Variants in POP1 observed in about 807,000 individuals in gnomAD.
POP1 encodes the protein ribonucleases P/MRP protein subunit POP1.
In POP1, 75 loss-of-function variants were observed where a neutral mutation model predicts 102.2. The ratio of observed to expected loss-of-function variants is 0.73; its 90% CI spans 0.61 to 0.89. The LOEUF is 0.89. Among genes scored for constraint, POP1 ranks in the 40% least tolerant of loss-of-function variants. The pLI, the probability that POP1 is intolerant of heterozygous loss-of-function variation, is 0.00. For missense variants in POP1, 1,116 were observed against 1,267.4 expected (o/e 0.88, Z 1.81); for synonymous variants, 436 against 464.1 (o/e 0.94, Z 0.78).
chr8:98,118,842 G>A (rs545555180), intron 1 of POP1, among the ~76,000 whole-genome samples: 1 of 151,916 alleles, frequency 6.6e-6, no homozygotes, highest in African/African-American at 2.4e-5. Context: ...GTGGATTGGA[G>A]AGGGAAGGGG....
intron 12 of POP1, among the ~76,000 whole-genome samples, chr8:98,147,733 A>G (rs1809393507): frequency 6.6e-6 from 1 of 152,170 alleles, no homozygotes; most frequent in South Asian, 2.1e-4. Context: ...TATTCCTGGA[A>G]GGTGAAATTG....
At position 98,127,832 on chromosome 8, in the gene POP1, C is replaced by T. The variant is rs558162215; in HGVS notation, c.310+70C>T. ...TCGTGTCTAGTGCAGCAACAAACTG[C>T]CCTCCTTGTGGTCCTGGCTCTGCCT... On this transcript the variant is annotated intron_variant, in intron 3 of 15. Coordinates refer to ENST00000401707, the MANE Select transcript of POP1 (RefSeq NM_001145860.2). 9.2e-6 allele frequency: 14 copies of T among 1,523,996 alleles called. No individual in the cohort carries two copies. The African/African-American group carries it at 1.1e-4, about 12-fold the overall frequency. 94.4% of individuals were successfully genotyped at this position (1,523,996 alleles called of 1,614,324 possible). A position where few individuals can be genotyped will look rare whatever the true frequency, so the allele number is the denominator to read the frequency against.
intron 11 of POP1, among the ~76,000 whole-genome samples, chr8:98,145,376 T>A (rs1816815288): frequency 6.6e-6 from 1 of 152,204 alleles, no homozygotes; most frequent in African/African-American, 2.4e-5. Context: ...TTTAGAACCA[T>A]AACGCAAACT....
intron 12 of POP1, among the ~76,000 whole-genome samples, chr8:98,147,822 G>C (rs972997548): frequency 2.0e-5 from 3 of 152,142 alleles, no homozygotes; most frequent in Non-Finnish European, 4.4e-5. Context: ...ATTCTAGCTT[G>C]GATTTAGGAT....
chr8:98,140,016 A>G (rs1332634119), intron 9 of POP1, 62 bp from the exon 10 acceptor site: 26 of 1,318,288 alleles, frequency 2.0e-5, no homozygotes, highest in Non-Finnish European at 2.8e-5. Flanking sequence ...TATCACAACC[A>G]TGACAAAATT....
At chr8:98,138,759 A>T (rs1816620265) in intron 9 of POP1, among the ~76,000 whole-genome samples, 1 of 151,744 alleles carries the variant, frequency 6.6e-6, no homozygotes. Flanking sequence ...ATTTGAACCA[A>T]TGAAGTTTGG....
At chr8:98,138,083 T>C (rs550603159) in intron 9 of POP1, among the ~76,000 whole-genome samples, 32 of 152,318 alleles carry the variant, frequency 2.1e-4, no homozygotes, top group African/African-American at 7.5e-4. Context: ...GCCTGAACAA[T>C]TGGGGGATCA....
At chr8:98,122,038 A>G (rs2130573230) in intron 1 of POP1, among the ~76,000 whole-genome samples, 1 of 152,210 alleles carries the variant, frequency 6.6e-6, no homozygotes, top group East Asian at 1.9e-4. Context: ...CATGGTGGCC[A>G]GGTTGGTCTC....
intron 1 of POP1, among the ~76,000 whole-genome samples, chr8:98,121,892 A>G (rs998142843): frequency 6.6e-6 from 1 of 151,892 alleles, no homozygotes; most frequent in Non-Finnish European, 1.5e-5. Context: ...TCACTGTGTT[A>G]GCCAAGATGG....
chr8:98,121,633 G>A (rs1052644987), intron 1 of POP1, among the ~76,000 whole-genome samples: 2 of 148,310 alleles, frequency 1.3e-5, no homozygotes, highest in African/African-American at 2.5e-5. Context: ...TTCTCCTGTC[G>A]CAGCCTCCCG....
In POP1 at chr8:98,136,637, T is replaced by C. The variant is rs545459142; in HGVS notation, c.1167T>C (p.Asp389=). 1 of 1,613,792 alleles carries C rather than the reference T, an allele frequency of 6.2e-7. No individual in the cohort carries two copies. Among genetic ancestry groups the C allele is most frequent in the Admixed American group, 1.7e-5 (1 of 59,984 alleles). Residue 389 remains aspartate, a synonymous_variant, in exon 8 of 16, where the codon GAT becomes GAC. Coordinates refer to ENST00000401707, the MANE Select transcript of POP1 (RefSeq NM_001145860.2). ...KIGKKRKRKD[D]GENAKPIKKI... is the part of the protein sequence containing the mutation. ...GCAAGAAAAGAAAAAGGAAAGATGA[T>C]GGAGAAAATGCTAAACCAATTAAAA...
At chr8:98,129,950 G>A (rs1211649401) in intron 4 of POP1, 28 bp from the exon 5 acceptor site, 2 of 1,612,228 alleles carry the variant, frequency 1.2e-6, no homozygotes, top group Non-Finnish European at 1.7e-6. Flanking sequence ...TTACAAACTG[G>A]GATATGTCCC....
At chr8:98,154,500 T>C (rs1026898530) in intron 14 of POP1, among the ~76,000 whole-genome samples, 12 of 151,618 alleles carry the variant, frequency 7.9e-5, no homozygotes, top group Admixed American at 7.9e-4. Context: ...AGTTTGAAGC[T>C]GGAGCAGGTG....
chr8:98,127,707 A>C lies in POP1; in HGVS notation c.255A>C (p.Gly85=). The change falls in exon 3 of 16, where the codon GGA becomes GGC. Residue 85 remains glycine, a synonymous_variant. Transcript: ENST00000401707. ...SSSKGMFRKK[G]GWKAGPEGTS... ...CCAAAGGGATGTTTAGAAAAAAGGG[A>C]GGATGGAAAGCAGGTCCCGAGGGCA... The C allele has an allele frequency of 3.1e-6, 5 of 1,614,114 alleles. No homozygotes were observed. The highest frequency in any genetic ancestry group is 4.2e-6 in the Non-Finnish European group (5 of 1,180,004).
At chr8:98,130,943 A>C (rs1056028874) in intron 5 of POP1, among the ~76,000 whole-genome samples, 1 of 152,134 alleles carries the variant, frequency 6.6e-6, no homozygotes, top group African/African-American at 2.4e-5. Flanking sequence ...GTTGCTTTCT[A>C]TTTCTTCCAA....
At chr8:98,136,352 A>T in intron 7 of POP1, 130 bp from the exon 8 acceptor site, 1 of 947,166 alleles carries the variant, frequency 1.1e-6, no homozygotes. Flanking sequence ...CTGGGATTAC[A>T]GGTATGAGCC....
At chr8:98,134,092 AT>A in intron 6 of POP1, 56 bp downstream of exon 6, 2 of 1,303,392 alleles carry the variant, frequency 1.5e-6, no homozygotes, top group Non-Finnish European at 2.2e-6. Flanking sequence ...TATTCATTTC[AT>A]AAAGAAGTGT....
intron 2 of POP1, among the ~76,000 whole-genome samples, chr8:98,125,546 T>G (rs1287040315): frequency 1.3e-5 from 2 of 151,860 alleles, no homozygotes; most frequent in African/African-American, 4.8e-5. Context: ...ATGGAAATGT[T>G]GCCTTTTTTT....
intron 5 of POP1, among the ~76,000 whole-genome samples, chr8:98,132,460 T>A (rs1170065706): frequency 6.6e-6 from 1 of 152,202 alleles, no homozygotes; most frequent in Non-Finnish European, 1.5e-5. Flanking sequence ...TTTGTGTGAG[T>A]GATCATATTG....
Sources: allele counts gnomAD v4.1 joint callset (sites outside exome capture counted in the v4.1 genomes callset), GRCh38; gene constraint gnomAD v4.1.1; transcripts MANE v1.5; gene names NCBI Gene and HGNC (gene_info 2026-07-23, HGNC 2026-07-21).